Variants in CD99L2 observed in about 807,000 individuals in gnomAD.
CD99L2 encodes CD99 molecule like 2, also known as CD99 antigen-like protein 2.
A neutral mutation model predicts 27.3 loss-of-function variants in CD99L2; 24 were observed. The observed-to-expected ratio is 0.88, with a 90% confidence interval of 0.64 to 1.24. The LOEUF (loss-of-function observed/expected upper bound fraction) is 1.24. Among genes scored for constraint, CD99L2 ranks in the 50% most tolerant of loss-of-function variants. The pLI, the probability that CD99L2 is intolerant of heterozygous loss-of-function variation, is 0.00. For missense variants in CD99L2, 255 were observed against 221.6 expected, an observed-to-expected ratio of 1.15 and a Z score of -0.96; for synonymous variants, 97 against 87.9, an observed-to-expected ratio of 1.10 and a Z score of -0.58.
intron 7 of CD99L2, among the ~76,000 whole-genome samples, chrX:150,785,245 CTTCT>C (rs781810927): frequency 3.9e-4 from 43 of 110,193 alleles, no homozygotes; most frequent in Non-Finnish European, 4.9e-4. Flanking sequence ...GTTGTTCCTG[CTTCT>C]TTAATTTTTT....
intron 8 of CD99L2, 31 bp downstream of exon 8, chrX:150,777,413 C>T (rs1557419292): frequency 4.1e-6 from 5 of 1,209,639 alleles, no homozygotes; most frequent in East Asian, 5.9e-5. Context: ...TTTCACATGG[C>T]CAACAGGAGC....
At chrX:150,898,409 G>T in intron 1 of CD99L2, 113 bp downstream of exon 1, 2 of 565,099 alleles carry the variant, frequency 3.5e-6, no homozygotes, top group Non-Finnish European at 4.7e-6. Flanking sequence ...CCGGCCGGTG[G>T]CAGCCACCGC....
chrX:150,785,165 A>T (rs1324368204), intron 7 of CD99L2, among the ~76,000 whole-genome samples: 1 of 110,015 alleles, frequency 9.1e-6, no homozygotes, highest in Non-Finnish European at 1.9e-5. Flanking sequence ...GGCAGAAAGA[A>T]CATGTCAGCA....
At chrX:150,880,024 C>A (rs1294146811) in intron 1 of CD99L2, among the ~76,000 whole-genome samples, 2 of 109,681 alleles carry the variant, frequency 1.8e-5, no homozygotes, top group Non-Finnish European at 3.8e-5. Flanking sequence ...TTCACACTTA[C>A]CAGGATGACT....
chrX:150,808,864 T>C (rs2046033992), intron 4 of CD99L2, among the ~76,000 whole-genome samples: 1 of 111,085 alleles, frequency 9.0e-6, no homozygotes, highest in Non-Finnish European at 1.9e-5. Context: ...AGTTCCGTGA[T>C]TATCCTGAAT....
At chrX:150,833,163 T>C (rs946519880) in intron 1 of CD99L2, among the ~76,000 whole-genome samples, 1 of 110,619 alleles carries the variant, frequency 9.0e-6, no homozygotes, top group Non-Finnish European at 1.9e-5. Flanking sequence ...CATTTCTATA[T>C]TTGAACAATG....
intron 4 of CD99L2, among the ~76,000 whole-genome samples, chrX:150,806,041 T>C (rs1479674459): frequency 2.7e-5 from 3 of 111,942 alleles, no homozygotes; most frequent in Non-Finnish European, 5.6e-5. Context: ...ACACACTCAG[T>C]AGAAGTAAAA....
intron 1 of CD99L2, among the ~76,000 whole-genome samples, chrX:150,836,007 C>T (rs2046520976): frequency 9.0e-6 from 1 of 111,410 alleles, no homozygotes; most frequent in African/African-American, 3.3e-5. Flanking sequence ...GCTAATCACA[C>T]ATAACTGAAA....
intron 4 of CD99L2, among the ~76,000 whole-genome samples, chrX:150,807,806 G>C (rs1414344649): frequency 8.9e-6 from 1 of 112,040 alleles, no homozygotes; most frequent in Non-Finnish European, 1.9e-5. Context: ...CATACATCCT[G>C]TTCTGTGACT....
intron 1 of CD99L2, among the ~76,000 whole-genome samples, chrX:150,843,127 CT>C (rs1557421389): frequency 8.9e-6 from 1 of 112,218 alleles, no homozygotes; most frequent in African/African-American, 3.2e-5. Context: ...GCTGGGACCC[CT>C]GGCTGCCAAA....
intron 9 of CD99L2, among the ~76,000 whole-genome samples, chrX:150,770,682 G>A (rs980191199): frequency 3.5e-5 from 4 of 113,106 alleles, no homozygotes; most frequent in African/African-American, 1.3e-4. Context: ...CAGTGGAGGG[G>A]GCGCCCGATG....
At chrX:150,881,478 C>G (rs1398888639) in intron 1 of CD99L2, among the ~76,000 whole-genome samples, 2 of 112,359 alleles carry the variant, frequency 1.8e-5, no homozygotes, top group Non-Finnish European at 3.8e-5. Flanking sequence ...AAAAGAGAAC[C>G]CACTCTCCCA....
At chrX:150,858,633 C>CA (rs2046929043) in intron 1 of CD99L2, among the ~76,000 whole-genome samples, 1 of 111,789 alleles carries the variant, frequency 8.9e-6, no homozygotes, top group Non-Finnish European at 1.9e-5. Flanking sequence ...AGAGAGAAAT[C>CA]AAAAAACTCT....
At chrX:150,806,747 C>T (rs782452940) in intron 4 of CD99L2, among the ~76,000 whole-genome samples, 91 of 110,596 alleles carry the variant, frequency 8.2e-4, no homozygotes, top group Non-Finnish European at 1.4e-3. Context: ...AAAAATTAGC[C>T]GGGCGTGGTG....
chrX:150,862,589 T>C (rs2046995108), intron 1 of CD99L2, among the ~76,000 whole-genome samples: 1 of 112,205 alleles, frequency 8.9e-6, no homozygotes, highest in Non-Finnish European at 1.9e-5. Context: ...AGCGAATATA[T>C]GGGTGTTGCT....
At chrX:150,824,400 A>G (rs182375402) in intron 2 of CD99L2, among the ~76,000 whole-genome samples, 71 of 100,440 alleles carry the variant, frequency 7.1e-4, no homozygotes, top group South Asian at 2.0e-3. Context: ...GAAGAAGAAG[A>G]AAGAAGAAGA....
chrX:150,768,763 G>T lies in CD99L2; in HGVS notation c.*271C>A. On this transcript the variant is annotated 3_prime_UTR_variant, in exon 11 of 11. Transcript: ENST00000370377. ...GCTCAGTAAAGCTGGAGGCAGGCTG[G>T]CTTTGGGAGTTGGTGGCTCAGCAGC... The T allele has an allele frequency of 4.1e-6, 2 of 482,235 alleles. No individual in the cohort carries two copies. The highest frequency in any genetic ancestry group is 6.0e-6 in the Non-Finnish European group (2 of 332,188). The allele number at this position is 482,235 out of a possible 1,213,427, so 39.7% of individuals were successfully genotyped here.
At chrX:150,822,107 G>A (rs1603298987) in intron 2 of CD99L2, among the ~76,000 whole-genome samples, 2 of 112,028 alleles carry the variant, frequency 1.8e-5, no homozygotes, top group East Asian at 5.5e-4. Context: ...GCTAAGAGGT[G>A]GAAACAACCA....
intron 4 of CD99L2, among the ~76,000 whole-genome samples, chrX:150,805,223 CAAAT>C (rs2045977333): frequency 9.1e-6 from 1 of 109,510 alleles, no homozygotes. Flanking sequence ...ACAAAGATCT[CAAAT>C]AAACAACCCA....
Sources: gnomAD v4.1 joint callset for allele counts (sites outside exome capture counted in the v4.1 genomes callset) on GRCh38, gnomAD v4.1.1 for gene constraint, MANE v1.5 for transcripts, NCBI Gene and HGNC (gene_info 2026-07-23, HGNC 2026-07-21) for gene names.